EFHD1: variants seen among roughly 807,000 people sequenced by gnomAD.
EFHD1 encodes EF-hand domain-containing protein D1.
EFHD1 carries 10 observed loss-of-function variants against 17.2 expected under a neutral mutation model. The ratio of observed to expected loss-of-function variants is 0.58; its 90% CI spans 0.36 to 0.99. The LOEUF (loss-of-function observed/expected upper bound fraction) is 0.99, where lower values mean the gene tolerates loss of function less well. Among genes scored for constraint, EFHD1 ranks in the 50% least tolerant of loss-of-function variants. EFHD1 has a pLI of 0.01. For synonymous variants in EFHD1, 153 were observed against 142.0 expected (o/e 1.08, Z -0.55); for missense variants, 310 against 327.5 (o/e 0.95, Z 0.41).
chr2:232,626,366 T>C (rs1694103682), intron 1 of EFHD1, among the ~76,000 whole-genome samples: 1 of 150,214 alleles, frequency 6.7e-6, no homozygotes, highest in South Asian at 2.1e-4. Flanking sequence ...GCCAACATGG[T>C]GAAACCTCAC....
chr2:232,613,959 CACAT>C (rs373486500), intron 1 of EFHD1, among the ~76,000 whole-genome samples: 2 of 151,916 alleles, frequency 1.3e-5, no homozygotes, highest in Non-Finnish European at 2.9e-5. Flanking sequence ...AATATACACA[CACAT>C]ACACACGTGA....
chr2:232,675,136 AC>A (rs767076083), intron 3 of EFHD1, among the ~76,000 whole-genome samples: 2 of 150,530 alleles, frequency 1.3e-5, no homozygotes, highest in Non-Finnish European at 2.9e-5. Flanking sequence ...AGATCGTGTC[AC>A]TGCACTCCAG....
intron 1 of EFHD1, among the ~76,000 whole-genome samples, chr2:232,648,331 C>A (rs188810730): frequency 8.5e-4 from 129 of 152,208 alleles, no homozygotes; most frequent in African/African-American, 2.8e-3. Flanking sequence ...ATCTCTGAGT[C>A]CCCTGGCCCT....
intron 1 of EFHD1, among the ~76,000 whole-genome samples, chr2:232,617,596 G>A (rs10191109): frequency 0.33 from 48,338 of 148,258 alleles, 9,195 homozygotes; most frequent in Middle Eastern, 0.49. Context: ...GGAGCTTGCA[G>A]TGAGCCGAGA....
At chr2:232,621,344 A>G (rs190660045) in intron 1 of EFHD1, among the ~76,000 whole-genome samples, 14 of 152,312 alleles carry the variant, frequency 9.2e-5, no homozygotes, top group Non-Finnish European at 1.5e-4. Flanking sequence ...GCCTGTAGCA[A>G]CAGGGACACA....
intron 1 of EFHD1, among the ~76,000 whole-genome samples, chr2:232,652,070 A>G (rs1016253289): frequency 1.3e-5 from 2 of 152,162 alleles, no homozygotes; most frequent in Non-Finnish European, 2.9e-5. Context: ...GCCAAACAGC[A>G]CCACACCCCT....
intron 1 of EFHD1, among the ~76,000 whole-genome samples, chr2:232,647,455 T>G (rs1694553799): frequency 6.6e-6 from 1 of 152,180 alleles, no homozygotes; most frequent in Non-Finnish European, 1.5e-5. Context: ...GCCGTTTCCT[T>G]CCCTGACCTT....
intron 1 of EFHD1, among the ~76,000 whole-genome samples, chr2:232,607,703 G>A (rs1179635429): frequency 6.6e-6 from 1 of 151,864 alleles, no homozygotes; most frequent in African/African-American, 2.4e-5. Context: ...GCAGTGAGCT[G>A]TGATTGGGCC....
At chr2:232,646,603 C>A (rs1336453629) in intron 1 of EFHD1, among the ~76,000 whole-genome samples, 3 of 152,010 alleles carry the variant, frequency 2.0e-5, no homozygotes, top group Non-Finnish European at 2.9e-5. Flanking sequence ...CGCCACCATG[C>A]CCAGCTAATT....
intron 3 of EFHD1, among the ~76,000 whole-genome samples, chr2:232,677,842 CAT>C (rs1383365784): frequency 1.3e-5 from 2 of 152,160 alleles, no homozygotes; most frequent in East Asian, 3.9e-4. Flanking sequence ...AGAATGCAAA[CAT>C]ATTGAAAAAG....
intron 1 of EFHD1, among the ~76,000 whole-genome samples, chr2:232,648,810 G>C (rs550533510): frequency 6.6e-6 from 1 of 152,262 alleles, no homozygotes; most frequent in Admixed American, 6.5e-5. Context: ...CACTTTGTGG[G>C]GCCAGCGCCT....
chr2:232,620,154 TGAG>T (rs1464875397), intron 1 of EFHD1, among the ~76,000 whole-genome samples: 2 of 151,568 alleles, frequency 1.3e-5, no homozygotes, highest in Non-Finnish European at 2.9e-5. Flanking sequence ...TTCGGGAGGC[TGAG>T]GCGGGTGGAT....
At chr2:232,627,676 A>G (rs1386457385) in intron 1 of EFHD1, among the ~76,000 whole-genome samples, 1 of 152,152 alleles carries the variant, frequency 6.6e-6, no homozygotes, top group Non-Finnish European at 1.5e-5. Context: ...TGTAGAAGAC[A>G]TTTGCAAAAG....
rs1694091089 is a variant in EFHD1, at chr2:232,625,514, A to T, written c.14+19341A>T. Among the ~76,000 whole-genome samples the T allele has an allele frequency of 2.0e-5, 3 of 152,118 alleles. No homozygotes were observed. In the South Asian group the frequency reaches 6.2e-4, roughly 32 times the overall value. On this transcript the variant is annotated intron_variant, in intron 1 of 3. Coordinates refer to the EFHD1 transcript ENST00000409613. The stretch of plus-strand genomic sequence containing the variant: ...ACTTCCAACCCAAAAGCCGCTTAGG[A>T]TGGGAGTCTACCCTCTGCTCTTTGC...
chr2:232,627,351 T>C (rs573041631), intron 1 of EFHD1, among the ~76,000 whole-genome samples: 49 of 151,982 alleles, frequency 3.2e-4, no homozygotes, highest in African/African-American at 1.2e-3. Context: ...GGATCTTAAA[T>C]GTGCAAGACA....
intron 1 of EFHD1, among the ~76,000 whole-genome samples, chr2:232,653,921 T>C (rs553011790): frequency 9.8e-4 from 149 of 152,136 alleles, no homozygotes; most frequent in African/African-American, 3.4e-3. Context: ...TTTAAAGAAG[T>C]TGGGGCCAGG....
intron 1 of EFHD1, among the ~76,000 whole-genome samples, chr2:232,645,878 G>A (rs939170004): frequency 6.6e-6 from 1 of 152,198 alleles, no homozygotes; most frequent in Non-Finnish European, 1.5e-5. Flanking sequence ...CAAGTGGCCT[G>A]CACTCTTGTC....
intron 2 of EFHD1, among the ~76,000 whole-genome samples, chr2:232,671,276 A>T (rs971193134): frequency 1.4e-5 from 2 of 140,034 alleles, no homozygotes; most frequent in Non-Finnish European, 3.1e-5. Context: ...TCTACAAATT[A>T]AAAAAAAAAA....
chr2:232,658,229 T>C (rs1220037832), intron 1 of EFHD1, among the ~76,000 whole-genome samples: 1 of 152,166 alleles, frequency 6.6e-6, no homozygotes, highest in Admixed American at 6.6e-5. Context: ...CTTTGCTATA[T>C]TTTATCTGTG....
Sources: gnomAD v4.1 joint callset for allele counts (sites outside exome capture counted in the v4.1 genomes callset) on GRCh38, gnomAD v4.1.1 for gene constraint, MANE v1.5 for transcripts, NCBI Gene and HGNC (gene_info 2026-07-23, HGNC 2026-07-21) for gene names.